Variants in MYO3B observed in about 807,000 individuals in gnomAD.
MYO3B encodes the protein myosin-IIIb.
Under a neutral mutation model 174.6 loss-of-function variants are expected in MYO3B, and 156 were observed. The ratio of observed to expected loss-of-function variants is 0.89; its 90% CI spans 0.78 to 1.02. MYO3B has a LOEUF of 1.02. MYO3B is among the 50% of genes least tolerant of loss of function. The pLI is 0.00. For synonymous variants in MYO3B, 563 were observed against 569.1 expected (o/e 0.99, Z 0.15); for missense variants, 1,632 against 1,639.4 (o/e 1.00, Z 0.08).
In MYO3B at chr2:170,214,839, C is replaced by T. The variant is rs1178054872; in HGVS notation, c.526+11C>T. The T allele has an allele frequency of 6.2e-7, 1 of 1,600,120 alleles. No homozygotes were observed. The highest frequency in any genetic ancestry group is 8.6e-7 in the Non-Finnish European group (1 of 1,167,324). ...AGCTCGTTGACTTTGGTAATGACTG[C>T]TTGTCGTTTGTTTTCTTGACGTGTG... On this transcript the variant is annotated intron_variant, in intron 5 of 34. Coordinates refer to ENST00000408978, the MANE Select transcript of MYO3B (RefSeq NM_138995.5).
At chr2:170,280,169 A>G (rs1365740708) in intron 7 of MYO3B, among the ~76,000 whole-genome samples, 2 of 152,164 alleles carry the variant, frequency 1.3e-5, no homozygotes, top group Non-Finnish European at 2.9e-5. Flanking sequence ...CTGGTGAGAG[A>G]TGGTATCACA....
At chr2:170,285,470 C>T (rs1265641822) in intron 7 of MYO3B, among the ~76,000 whole-genome samples, 1 of 151,992 alleles carries the variant, frequency 6.6e-6, no homozygotes, top group Admixed American at 6.5e-5. Flanking sequence ...AAGTGATTCT[C>T]CTGCCTCAGC....
At chr2:170,401,151 TAGG>T (rs1397225371) in intron 17 of MYO3B, among the ~76,000 whole-genome samples, 1 of 152,228 alleles carries the variant, frequency 6.6e-6, no homozygotes, top group Non-Finnish European at 1.5e-5. Context: ...GTTAAAACTG[TAGG>T]ACATTTTAGG....
At chr2:170,189,105 A>G (rs1226443157) in intron 1 of MYO3B, among the ~76,000 whole-genome samples, 1 of 151,998 alleles carries the variant, frequency 6.6e-6, no homozygotes, top group East Asian at 1.9e-4. Flanking sequence ...TTTGAAGGAT[A>G]TTTTGGATGG....
intron 32 of MYO3B, among the ~76,000 whole-genome samples, chr2:170,637,175 T>G (rs1435855902): frequency 1.4e-5 from 2 of 148,090 alleles, no homozygotes; most frequent in East Asian, 4.0e-4. Flanking sequence ...TGTAGGGTTT[T>G]TTTTTTTTTT....
intron 8 of MYO3B, among the ~76,000 whole-genome samples, chr2:170,355,572 G>A (rs965540331): frequency 6.6e-6 from 1 of 152,112 alleles, no homozygotes; most frequent in Non-Finnish European, 1.5e-5. Flanking sequence ...CTGTCCTTTT[G>A]TTGCCAACTC....
At chr2:170,519,949 G>C in intron 30 of MYO3B, 1 of 148,678 alleles carries the variant, frequency 6.7e-6, no homozygotes, top group Non-Finnish European at 1.4e-5. Flanking sequence ...CTTCAGCCTG[G>C]GCAACACAGC....
chr2:170,393,347 G>C (rs1385963607), intron 16 of MYO3B, among the ~76,000 whole-genome samples: 1 of 151,886 alleles, frequency 6.6e-6, no homozygotes, highest in Non-Finnish European at 1.5e-5. Context: ...GCCTCCCAAA[G>C]TGCTGGGATT....
intron 8 of MYO3B, among the ~76,000 whole-genome samples, chr2:170,339,717 C>A (rs2093966040): frequency 6.6e-6 from 1 of 152,198 alleles, no homozygotes; most frequent in South Asian, 2.1e-4. Context: ...TTAAAAGAAG[C>A]ATCAGCCTGT....
At chr2:170,627,857 G>A (rs755536967) in intron 32 of MYO3B, among the ~76,000 whole-genome samples, 8 of 152,192 alleles carry the variant, frequency 5.3e-5, no homozygotes, top group Non-Finnish European at 1.2e-4. Flanking sequence ...GGAGGGTGTA[G>A]ATCAGCGAAT....
At chr2:170,625,723 A>G (rs901635189) in intron 32 of MYO3B, among the ~76,000 whole-genome samples, 2 of 152,174 alleles carry the variant, frequency 1.3e-5, no homozygotes, top group Non-Finnish European at 2.9e-5. Flanking sequence ...ACACTGCTTT[A>G]AATGTGTCCC....
chr2:170,339,059 A>C (rs2093962309), intron 8 of MYO3B, among the ~76,000 whole-genome samples: 1 of 152,226 alleles, frequency 6.6e-6, no homozygotes, highest in African/African-American at 2.4e-5. Context: ...TGAAATGTCT[A>C]TTTAAAGAGA....
chr2:170,362,064 C>T (rs7596319), intron 8 of MYO3B, among the ~76,000 whole-genome samples: 54,838 of 152,000 alleles, frequency 0.36, 10,238 homozygotes, highest in Middle Eastern at 0.46. Context: ...CTCTGCCTTA[C>T]TGGGGGTCTC....
Position 170,482,981 on chromosome 2 carries a change from C to T in MYO3B, c.3015-15611C>T, listed in dbSNP as rs181913481. On this transcript the variant is annotated intron_variant, in intron 25 of 34. Coordinates refer to ENST00000408978, the MANE Select transcript of MYO3B (RefSeq NM_138995.5). ...ATCCCAAAACTAATTGTTTTAAGCCCTGCCTTTTTCATGGAGCCCATGCTG... is the reference window on the plus strand; with the variant it reads ...ATCCCAAAACTAATTGTTTTAAGCCTTGCCTTTTTCATGGAGCCCATGCTG... Among the ~76,000 whole-genome samples the T allele has an allele frequency of 1.2e-3, 183 of 152,370 alleles. 2 individuals carry two copies. Among genetic ancestry groups the T allele is most frequent in the South Asian group, 2.5e-3 (12 of 4,830 alleles).
chr2:170,358,161 A>AC (rs1301404823), intron 8 of MYO3B, among the ~76,000 whole-genome samples: 1 of 152,072 alleles, frequency 6.6e-6, no homozygotes, highest in Non-Finnish European at 1.5e-5. Flanking sequence ...TCAAAAAAAA[A>AC]AACAAAAAAA....
chr2:170,629,098 ACT>A (rs1696713658), intron 32 of MYO3B, among the ~76,000 whole-genome samples: 1 of 152,132 alleles, frequency 6.6e-6, no homozygotes, highest in African/African-American at 2.4e-5. Context: ...TTTTAAACAA[ACT>A]CTGTTCTGTG....
intron 7 of MYO3B, among the ~76,000 whole-genome samples, chr2:170,304,727 A>G (rs1367669009): frequency 6.6e-6 from 1 of 151,930 alleles, no homozygotes; most frequent in Non-Finnish European, 1.5e-5. Flanking sequence ...TCAGCCACCC[A>G]AAGTACTGGG....
At chr2:170,506,048 T>G (rs1485797941) in intron 28 of MYO3B, among the ~76,000 whole-genome samples, 4 of 152,262 alleles carry the variant, frequency 2.6e-5, no homozygotes, top group Non-Finnish European at 5.9e-5. Context: ...TCTCTTCTGA[T>G]GCTCTTTGGG....
chr2:170,344,851 G>GC, intron 8 of MYO3B: 1 of 152,330 alleles, frequency 6.6e-6, no homozygotes, highest in Admixed American at 6.5e-5. Context: ...AAACTGTAGG[G>GC]CCCCGGGGGG....
Sources: allele counts gnomAD v4.1 joint callset (sites outside exome capture counted in the v4.1 genomes callset), GRCh38; gene constraint gnomAD v4.1.1; transcripts MANE v1.5; gene names NCBI Gene and HGNC (gene_info 2026-07-23, HGNC 2026-07-21).